The following KANSL1 variants were observed in gnomAD, a reference collection of about 807,000 sequenced individuals.
KANSL1 encodes MLL1/MLL complex subunit KANSL1.
In KANSL1, 22 loss-of-function variants were observed where a neutral mutation model predicts 103.6. The ratio of observed to expected loss-of-function variants is 0.21; its 90% CI spans 0.15 to 0.30. KANSL1 has a LOEUF of 0.30. Ranked by LOEUF, KANSL1 falls within the 10% of genes least tolerant of loss-of-function variation. KANSL1 has a pLI of 1.00. For synonymous variants in KANSL1, 600 were observed against 527.6 expected, an observed-to-expected ratio of 1.14 and a Z score of -1.88; for missense variants, 1,337 against 1,399.8, an observed-to-expected ratio of 0.96 and a Z score of 0.72.
chr17:46,031,566 T>G lies in KANSL1; in HGVS notation c.3228A>C (p.Thr1076=). 5 of 1,614,132 alleles carry G rather than the reference T, an allele frequency of 3.1e-6. No homozygotes were observed. Among genetic ancestry groups the G allele is most frequent in the Non-Finnish European group, 4.2e-6 (5 of 1,180,014 alleles). The part of the protein sequence containing the change: ...RTSGSKTGRE[T]EAAPTSPPIV... ...TGGGAGGCGAGGTGGGCGCTGCCTC[T>G]GTCTCCCGGCCAGTCTTGCTGCCTG... Residue 1076 remains threonine, a synonymous_variant, in exon 15 of 15, where the codon ACA becomes ACC. Transcript: ENST00000432791.
intron 2 of KANSL1, among the ~76,000 whole-genome samples, chr17:46,158,841 AAG>A (rs1302265953): frequency 1.8e-4 from 27 of 152,220 alleles, no homozygotes. Flanking sequence ...ACACCCGGCC[AAG>A]AGACTTATTT....
intron 2 of KANSL1, among the ~76,000 whole-genome samples, chr17:46,129,711 T>G (rs148472358): frequency 1.3e-5 from 2 of 152,298 alleles, no homozygotes; most frequent in South Asian, 2.1e-4. Flanking sequence ...CTCTAAGTAT[T>G]TGCAAAATTG....
At chr17:46,195,788 C>T (rs1326648437), upstream of KANSL1, among the ~76,000 whole-genome samples, 1 of 152,190 alleles carries the variant, frequency 6.6e-6, no homozygotes. Context: ...TGGTCTCGAA[C>T]TCCTGGACTC....
intron 6 of KANSL1, among the ~76,000 whole-genome samples, chr17:46,062,107 A>C (rs1413247870): frequency 2.6e-5 from 1 of 38,166 alleles, no homozygotes; most frequent in African/African-American, 8.4e-5. Context: ...AAAAAAAAAA[A>C]AACAAACAAA....
chr17:46,055,344 A>G (rs56166297), intron 6 of KANSL1, among the ~76,000 whole-genome samples: 21,933 of 151,710 alleles, frequency 0.14, 1,895 homozygotes, highest in East Asian at 0.46. Context: ...GGGCGCCTGT[A>G]ATCCCAGCTA....
intron 2 of KANSL1, among the ~76,000 whole-genome samples, chr17:46,143,396 A>G (rs2044521772): frequency 1.3e-5 from 2 of 152,198 alleles, no homozygotes; most frequent in Non-Finnish European, 2.9e-5. Context: ...CAGAAAGCTG[A>G]GGCAGGAAAA....
intron 2 of KANSL1, among the ~76,000 whole-genome samples, chr17:46,104,044 A>G (rs1043693342): frequency 2.0e-5 from 3 of 152,010 alleles, no homozygotes; most frequent in Non-Finnish European, 4.4e-5. Flanking sequence ...AAACAAACAA[A>G]CAAACAACCT....
intron 1 of KANSL1, among the ~76,000 whole-genome samples, chr17:46,188,876 G>GA (rs2047160916): frequency 1.3e-5 from 2 of 151,496 alleles, no homozygotes; most frequent in African/African-American, 2.4e-5. Flanking sequence ...ACTAAAAATA[G>GA]AAAAAAATTA....
chr17:46,085,855 T>C (rs2079144243), intron 3 of KANSL1, among the ~76,000 whole-genome samples: 1 of 152,200 alleles, frequency 6.6e-6, no homozygotes, highest in Non-Finnish European at 1.5e-5. Context: ...CTCAAACTCC[T>C]AGACTCAAGC....
Position 46,102,817 on chromosome 17 carries a change from T to C in KANSL1, c.1290-8116A>G, listed in dbSNP as rs2042378058. Among the ~76,000 whole-genome samples, 6 of 152,198 alleles carry C rather than the reference T, an allele frequency of 3.9e-5. No homozygotes were observed. The South Asian group carries it at 6.2e-4, about 16-fold the overall frequency. ...CAAAAACAAGAACTGTGGCTAAAGT[T>C]TACAATTTAATGGGGCAGATAGATG... On this transcript the variant is annotated intron_variant, in intron 2 of 14. Coordinates refer to ENST00000432791, the MANE Select transcript of KANSL1 (RefSeq NM_015443.4).
chr17:46,034,282 G>C lies in KANSL1; in HGVS notation c.2545C>G (p.Gln849Glu). The change falls in exon 11 of 15, where the codon CAG (glutamine) becomes GAG (glutamate). Residue 849 changes from glutamine (Q) to glutamate (E), a missense_variant. Transcript: ENST00000432791. Reference protein sequence around the residue: ...SSQVTASTSQQPVRRRRGESS... With the variant: ...SSQVTASTSQEPVRRRRGESS... ...TCTCCCCTTCTCCTCCTTACTGGCT[G>C]CTGCTGTAAGATAAAAATTAAGTTT... The C allele has an allele frequency of 6.2e-7, 1 of 1,613,400 alleles. No individual in the cohort carries two copies.
intron 1 of KANSL1, among the ~76,000 whole-genome samples, chr17:46,175,394 G>C (rs1009291678): frequency 6.7e-6 from 1 of 150,108 alleles, no homozygotes; most frequent in African/African-American, 2.5e-5. Flanking sequence ...CTGTCGCCCA[G>C]GCTGGAGTGC....
At chr17:46,033,375 T>G in intron 12 of KANSL1, 28 bp downstream of exon 12, 1 of 1,609,320 alleles carries the variant, frequency 6.2e-7, no homozygotes, top group Non-Finnish European at 8.5e-7. Flanking sequence ...ACACACGTGT[T>G]CTTCTAACAG....
chr17:46,209,307 T>C (rs1177676682), intron 1 of KANSL1, among the ~76,000 whole-genome samples: 6 of 152,226 alleles, frequency 3.9e-5, no homozygotes, highest in Admixed American at 3.9e-4. Context: ...ACAGCTGATA[T>C]TATATAATTC....
intron 2 of KANSL1, among the ~76,000 whole-genome samples, chr17:46,124,472 C>G (rs1026223007): frequency 2.6e-5 from 4 of 152,222 alleles, no homozygotes; most frequent in African/African-American, 9.6e-5. Context: ...TGTTATCATG[C>G]CTGTTAACAC....
chr17:46,127,587 A>C (rs1027098807), intron 2 of KANSL1, among the ~76,000 whole-genome samples: 1 of 152,226 alleles, frequency 6.6e-6, no homozygotes, highest in Non-Finnish European at 1.5e-5. Context: ...CAGCCTGGGC[A>C]ACATGGTAAA....
chr17:46,050,420 A>G, intron 7 of KANSL1, 113 bp downstream of exon 7: 1 of 1,116,602 alleles, frequency 9.0e-7, no homozygotes, highest in Middle Eastern at 2.1e-4. Flanking sequence ...TTGGTTGACG[A>G]AAGTTGTACC....
chr17:46,095,688 C>A (rs1366627770), intron 2 of KANSL1, among the ~76,000 whole-genome samples: 1 of 152,128 alleles, frequency 6.6e-6, no homozygotes, highest in African/African-American at 2.4e-5. Flanking sequence ...AGATAATACA[C>A]AAAGATTTCA....
At chr17:46,109,965 T>TAGG (rs2042733454) in intron 2 of KANSL1, among the ~76,000 whole-genome samples, 1 of 152,180 alleles carries the variant, frequency 6.6e-6, no homozygotes, top group Non-Finnish European at 1.5e-5. Context: ...GGTGAGAGGG[T>TAGG]GACTAGGGAG....
Sources: gnomAD v4.1 joint callset for allele counts (sites outside exome capture counted in the v4.1 genomes callset) on GRCh38, gnomAD v4.1.1 for gene constraint, MANE v1.5 for transcripts, NCBI Gene and HGNC (gene_info 2026-07-23, HGNC 2026-07-21) for gene names.